CHODL: variants seen among roughly 807,000 people sequenced by gnomAD.
The protein encoded by CHODL is chondrolectin.
CHODL carries 29 observed loss-of-function variants against 34.5 expected under a neutral mutation model. That is an observed-to-expected ratio of 0.84 (90% CI 0.63 to 1.15). CHODL has a LOEUF of 1.15. Ranked by LOEUF, CHODL falls within the 50% of genes most tolerant of loss-of-function variation. The pLI, the probability that CHODL is intolerant of heterozygous loss-of-function variation, is 0.00. For missense variants in CHODL, 332 were observed against 332.5 expected (o/e 1.00, Z 0.01); for synonymous variants, 125 against 116.1 (o/e 1.08, Z -0.49).
intron 2 of CHODL, among the ~76,000 whole-genome samples, chr21:18,233,310 A>G (rs1482563579): frequency 1.3e-5 from 2 of 152,068 alleles, no homozygotes; most frequent in South Asian, 2.1e-4. Context: ...AAGAACACAG[A>G]TGCTAGAGCC....
intron 1 of CHODL, among the ~76,000 whole-genome samples, chr21:17,983,981 C>G (rs1428670086): frequency 6.6e-6 from 1 of 152,090 alleles, no homozygotes; most frequent in African/African-American, 2.4e-5. Context: ...TTGCACAAGT[C>G]TGGATTGTTA....
chr21:18,095,319 G>T (rs2146535696), intron 2 of CHODL, among the ~76,000 whole-genome samples: 1 of 151,908 alleles, frequency 6.6e-6, no homozygotes, highest in East Asian at 1.9e-4. Flanking sequence ...GATGAGAAAG[G>T]AGACATTACA....
chr21:18,138,484 C>G (rs898515839), intron 2 of CHODL, among the ~76,000 whole-genome samples: 8 of 151,996 alleles, frequency 5.3e-5, no homozygotes, highest in Non-Finnish European at 8.8e-5. Context: ...ACAGCTTTTT[C>G]TGTTATCATA....
intron 2 of CHODL, among the ~76,000 whole-genome samples, chr21:18,145,864 C>A (rs1002652139): frequency 6.6e-6 from 1 of 152,204 alleles, no homozygotes; most frequent in Non-Finnish European, 1.5e-5. Flanking sequence ...ACATGTGGAA[C>A]AACTTTCTCA....
chr21:17,941,447 CTTTTT>C (rs75876564), intron 1 of CHODL, among the ~76,000 whole-genome samples: 1 of 121,228 alleles, frequency 8.2e-6, no homozygotes, highest in Non-Finnish European at 1.8e-5. Context: ...AGGAGCTGGG[CTTTTT>C]TTTTTTTTTT....
intron 2 of CHODL, among the ~76,000 whole-genome samples, chr21:18,067,290 T>G (rs2064743920): frequency 6.6e-6 from 1 of 152,234 alleles, no homozygotes; most frequent in Admixed American, 6.5e-5. Context: ...GTGATCTTAT[T>G]TGACAATAGG....
intron 2 of CHODL, among the ~76,000 whole-genome samples, chr21:18,210,497 T>G (rs755193282): frequency 1.2e-4 from 18 of 152,164 alleles, no homozygotes; most frequent in Non-Finnish European, 1.9e-4. Context: ...CTTTTTTGTG[T>G]GTATAGTTGT....
chr21:17,999,510 G>GA (rs138480099), intron 1 of CHODL, among the ~76,000 whole-genome samples: 46 of 151,000 alleles, frequency 3.0e-4, no homozygotes, highest in African/African-American at 7.8e-4. Flanking sequence ...TGAAACTGTG[G>GA]AAAAAAAAAG....
intron 1 of CHODL, among the ~76,000 whole-genome samples, chr21:17,956,260 A>T (rs1393193359): frequency 1.0e-5 from 1 of 96,604 alleles, no homozygotes; most frequent in Admixed American, 1.1e-4. Context: ...TCTTTTAAAA[A>T]TGTGTGACAC....
chr21:18,245,793 C>A, intron 1 of CHODL: 2 of 854,378 alleles, frequency 2.3e-6, no homozygotes, highest in Non-Finnish European at 3.6e-6. Flanking sequence ...CCTCCGGATG[C>A]CTGGGCATTC....
chr21:18,157,971 C>A (rs2073053932), intron 2 of CHODL, among the ~76,000 whole-genome samples: 1 of 146,886 alleles, frequency 6.8e-6, no homozygotes, highest in African/African-American at 2.5e-5. Context: ...AAAAAAGAGA[C>A]AGAAAAGGAA....
intron 2 of CHODL, among the ~76,000 whole-genome samples, chr21:18,130,333 A>G (rs1376655621): frequency 1.3e-5 from 2 of 152,226 alleles, no homozygotes; most frequent in East Asian, 3.8e-4. Flanking sequence ...TATTATTCCT[A>G]GTGCTCATTG....
At chr21:18,009,893 A>AAAAAAAAT (rs2063997629) in intron 1 of CHODL, among the ~76,000 whole-genome samples, 1 of 150,194 alleles carries the variant, frequency 6.7e-6, no homozygotes, top group African/African-American at 2.5e-5. Context: ...GTCTCAAAAA[A>AAAAAAAAT]AAAAAAATAA....
At chr21:18,016,738 G>T (rs2064078058) in intron 1 of CHODL, among the ~76,000 whole-genome samples, 1 of 152,228 alleles carries the variant, frequency 6.6e-6, no homozygotes, top group Non-Finnish European at 1.5e-5. Flanking sequence ...TCAAAAAGCT[G>T]CAGGTACTCT....
intron 2 of CHODL, among the ~76,000 whole-genome samples, chr21:18,192,398 T>A (rs2073521281): frequency 6.6e-6 from 1 of 152,162 alleles, no homozygotes; most frequent in Admixed American, 6.6e-5. Flanking sequence ...TCACTTCATT[T>A]CTGTTGAAAA....
intron 2 of CHODL, among the ~76,000 whole-genome samples, chr21:18,105,213 C>T (rs139636125): frequency 2.6e-4 from 39 of 152,152 alleles, no homozygotes; most frequent in South Asian, 1.2e-3. Flanking sequence ...AGTCTGGAGA[C>T]GGGAGGTCAC....
At chr21:18,258,592 G>C (rs1428426305) in intron 3 of CHODL, among the ~76,000 whole-genome samples, 1 of 151,896 alleles carries the variant, frequency 6.6e-6, no homozygotes, top group African/African-American at 2.4e-5. Context: ...ACTCATGCAA[G>C]AGCATTTATG....
At chr21:18,228,935 C>A (rs902503579) in intron 2 of CHODL, among the ~76,000 whole-genome samples, 1 of 152,072 alleles carries the variant, frequency 6.6e-6, no homozygotes, top group South Asian at 2.1e-4. Flanking sequence ...TTTACCAATG[C>A]CTTCCTAATT....
intron 1 of CHODL, among the ~76,000 whole-genome samples, chr21:17,940,081 A>G (rs2063350844): frequency 6.6e-6 from 1 of 152,166 alleles, no homozygotes. Flanking sequence ...TAAAACAAGG[A>G]GCCCTGTGTT....
Sources: gnomAD v4.1 joint callset for allele counts (sites outside exome capture counted in the v4.1 genomes callset) on GRCh38, gnomAD v4.1.1 for gene constraint, MANE v1.5 for transcripts, NCBI Gene and HGNC (gene_info 2026-07-23, HGNC 2026-07-21) for gene names.